Variants in HYDIN observed in about 807,000 individuals in gnomAD.
HYDIN encodes HYDIN axonemal central pair apparatus protein, also known as axonemal central pair apparatus protein HYDIN.
A neutral mutation model predicts 403.9 loss-of-function variants in HYDIN; 132 were observed. The ratio of observed to expected loss-of-function variants is 0.33; its 90% CI spans 0.28 to 0.38. HYDIN has a LOEUF of 0.38. Among genes scored for constraint, HYDIN ranks in the 10% least tolerant of loss-of-function variants. The pLI is 1.00. For missense variants in HYDIN, 2,827 were observed against 5,009.5 expected (o/e 0.56, Z 13.15); for synonymous variants, 1,202 against 1,891.7 (o/e 0.64, Z 9.46).
Position 70,806,179 on chromosome 16 carries a change from C to A in HYDIN, c.*1401G>T, listed in dbSNP as rs2035097351. Among the ~76,000 whole-genome samples, 1 of 152,092 alleles carries A rather than the reference C, an allele frequency of 6.6e-6. No homozygotes were observed. Among genetic ancestry groups the A allele is most frequent in the Non-Finnish European group, 1.5e-5 (1 of 68,024 alleles). ...ATTTTATTATTATTATTGTTAATGT[C>A]TTACTGTGCCTAATTTATAAATTAA... On this transcript the variant is annotated 3_prime_UTR_variant, in exon 86 of 86. Coordinates refer to ENST00000393567, the MANE Select transcript of HYDIN (RefSeq NM_001270974.2).
chr16:71,015,561 C>G (rs1163716760), intron 23 of HYDIN, among the ~76,000 whole-genome samples: 2 of 150,550 alleles, frequency 1.3e-5, no homozygotes, highest in Non-Finnish European at 1.5e-5. Context: ...TACAGAATTT[C>G]ATTCCAAACC....
At chr16:70,822,756 T>C (rs2036348572) in intron 83 of HYDIN, among the ~76,000 whole-genome samples, 1 of 152,214 alleles carries the variant, frequency 6.6e-6, no homozygotes, top group Non-Finnish European at 1.5e-5. Flanking sequence ...TCCACCAGCA[T>C]AAAGATTATG....
intron 23 of HYDIN, among the ~76,000 whole-genome samples, chr16:71,006,882 G>C (rs1387226520): frequency 6.6e-6 from 1 of 152,104 alleles, no homozygotes; most frequent in Admixed American, 6.6e-5. Flanking sequence ...ACAAACAGTA[G>C]CTGTGGATTT....
rs2082203610 is a variant in HYDIN, at chr16:71,064,834, A to G, written c.2082T>C (p.Val694=). 6.2e-7 allele frequency: 1 copy of G among 1,608,728 alleles called. No homozygotes were observed. The highest frequency in any genetic ancestry group is 8.5e-7 in the Non-Finnish European group (1 of 1,177,948). ...VLALLITARC[V]VPALHLVNTE... is the part of the protein sequence containing the mutation. ...TATTGACCAGGTGGAGGGCAGGTACAACACACCTGCTCGGAGGAGCCCATC... is the reference window on the plus strand; with the variant it reads ...TATTGACCAGGTGGAGGGCAGGTACGACACACCTGCTCGGAGGAGCCCATC... The change falls in exon 16 of 86, where the codon GTT becomes GTC. Residue 694 remains valine, a synonymous_variant. Transcript: ENST00000393567.
chr16:71,084,862 G>A (rs1449000830), intron 12 of HYDIN, among the ~76,000 whole-genome samples: 2 of 151,342 alleles, frequency 1.3e-5, no homozygotes, highest in African/African-American at 4.9e-5. Flanking sequence ...TAATCATGTG[G>A]TTTTTGTCCT....
intron 83 of HYDIN, among the ~76,000 whole-genome samples, chr16:70,826,555 C>T (rs980662108): frequency 2.6e-5 from 4 of 151,756 alleles, no homozygotes; most frequent in Admixed American, 2.6e-4. Context: ...TTTATGGTAA[C>T]TTTTTTTAGA....
intron 18 of HYDIN, among the ~76,000 whole-genome samples, chr16:71,048,438 C>T (rs922103821): frequency 1.3e-4 from 16 of 126,864 alleles, no homozygotes; most frequent in African/African-American, 4.1e-4. Flanking sequence ...AGTAGCTGTA[C>T]TAATTTACAT....
intron 16 of HYDIN, 66 bp from the exon 17 acceptor site, chr16:71,062,399 T>C: frequency 7.4e-7 from 1 of 1,349,248 alleles, no homozygotes; most frequent in South Asian, 1.4e-5. Flanking sequence ...ATTTGCTTAT[T>C]TTGAAGTGTT....
At chr16:70,994,039 G>GA (rs1349112802) in intron 23 of HYDIN, among the ~76,000 whole-genome samples, 1 of 151,662 alleles carries the variant, frequency 6.6e-6, no homozygotes, top group Admixed American at 6.6e-5. Flanking sequence ...CAACACAATG[G>GA]AAAAAAATCA....
intron 41 of HYDIN, among the ~76,000 whole-genome samples, chr16:70,945,600 G>A (rs1377974787): frequency 6.6e-6 from 1 of 152,208 alleles, no homozygotes; most frequent in Non-Finnish European, 1.5e-5. Flanking sequence ...AGAAGACTTT[G>A]TCCCAGGCTA....
chr16:71,004,454 T>C (rs550450304), intron 23 of HYDIN, among the ~76,000 whole-genome samples: 82 of 152,336 alleles, frequency 5.4e-4, no homozygotes, highest in African/African-American at 1.9e-3. Flanking sequence ...TACTGAAATT[T>C]TTCCTGGATT....
intron 53 of HYDIN, among the ~76,000 whole-genome samples, chr16:70,898,171 G>A (rs1218599349): frequency 8.4e-4 from 128 of 152,090 alleles, no homozygotes; most frequent in Non-Finnish European, 1.6e-4. Context: ...CCTGTGTCAA[G>A]AAAAATAAAA....
chr16:70,978,880 C>T (rs1193331292), intron 30 of HYDIN, 34 bp downstream of exon 30: 8 of 1,576,676 alleles, frequency 5.1e-6, no homozygotes, highest in Non-Finnish European at 6.9e-6. Flanking sequence ...CACCCTCCTG[C>T]ACAGGCGTCC....
rs201151886 is a variant in HYDIN, at chr16:70,965,724, C to T, written c.5620-828G>A. On this transcript the variant is annotated intron_variant, in intron 36 of 85. Coordinates refer to ENST00000393567, the MANE Select transcript of HYDIN (RefSeq NM_001270974.2). ...TTTGAACACCACTGCTAATAAGCTC[C>T]ATGTAAATATTTGAACACCACTGCT... Among the ~76,000 whole-genome samples the T allele has an allele frequency of 7.4e-4, 112 of 152,024 alleles. 2 individuals carry two copies. In the East Asian group the frequency reaches 0.021, roughly 29 times the overall value.
At chr16:71,135,802 T>C (rs1448397434) in intron 8 of HYDIN, among the ~76,000 whole-genome samples, 1 of 146,130 alleles carries the variant, frequency 6.8e-6, no homozygotes, top group Non-Finnish European at 1.5e-5. Context: ...TCTTTCCTCA[T>C]TTTTTAAAAG....
At position 71,120,911 on chromosome 16, in the gene HYDIN, CCACT is replaced by C. The variant is rs1172140352; in HGVS notation, c.1228-5120_1228-5117del. ...ATTTAGAAGAATGATCCACGTTTGC[CCACT>C]CAAATACTATGCTTTCCAATCATAC... is the stretch of plus-strand genomic sequence containing the variant. On this transcript the variant is annotated intron_variant, in intron 9 of 85. Coordinates refer to ENST00000393567, the MANE Select transcript of HYDIN (RefSeq NM_001270974.2). Among the ~76,000 whole-genome samples the C allele has an allele frequency of 2.6e-5, 4 of 152,064 alleles. No individual in the cohort carries two copies. The East Asian group carries it at 5.8e-4, about 22-fold the overall frequency.
intron 13 of HYDIN, among the ~76,000 whole-genome samples, chr16:71,078,348 G>A (rs367756180): frequency 4.6e-5 from 7 of 152,132 alleles, no homozygotes; most frequent in African/African-American, 7.2e-5. Context: ...TACTCCTTGC[G>A]GTAATTTTAA....
chr16:71,010,655 G>C (rs918588119), intron 23 of HYDIN, among the ~76,000 whole-genome samples: 1 of 152,318 alleles, frequency 6.6e-6, no homozygotes, highest in Non-Finnish European at 1.5e-5. Flanking sequence ...CATGGGGCAG[G>C]TGGCTGAGCC....
chr16:71,211,058 T>C (rs1228570521), intron 1 of HYDIN, among the ~76,000 whole-genome samples: 1 of 152,134 alleles, frequency 6.6e-6, no homozygotes, highest in Non-Finnish European at 1.5e-5. Flanking sequence ...GATCAGAGCC[T>C]GCAAAAGATG....
Sources: allele counts gnomAD v4.1 joint callset (sites outside exome capture counted in the v4.1 genomes callset), GRCh38; gene constraint gnomAD v4.1.1; transcripts MANE v1.5; gene names NCBI Gene and HGNC (gene_info 2026-07-23, HGNC 2026-07-21).